Variants in CUX2 observed in about 807,000 individuals in gnomAD.
The protein encoded by CUX2 is homeobox protein cut-like 2.
In CUX2, 40 loss-of-function variants were observed where a neutral mutation model predicts 144.8. The observed-to-expected ratio is 0.28, with a 90% CI of 0.21 to 0.36. The LOEUF is 0.36. Ranked by LOEUF, CUX2 falls within the 10% of genes least tolerant of loss-of-function variation. The pLI, the probability that CUX2 is intolerant of heterozygous loss-of-function variation, is 1.00. For synonymous variants in CUX2, 827 were observed against 875.6 expected (o/e 0.94, Z 0.98); for missense variants, 1,615 against 1,994.0 (o/e 0.81, Z 3.62).
intron 1 of CUX2, among the ~76,000 whole-genome samples, chr12:111,140,487 G>A (rs922434837): frequency 1.3e-5 from 2 of 152,118 alleles, no homozygotes; most frequent in Non-Finnish European, 1.5e-5. Flanking sequence ...TTATTTTCCC[G>A]GCCATGGTGA....
chr12:111,349,105 C>T lies in CUX2; in HGVS notation c.*780C>T, dbSNP rs1888945047. Reference sequence around the variant, plus strand: ...GTCCTATATGAGATGTAGCATGGTACAGAACAAACTGCTTACACAGGTCTC... The same window carrying T: ...GTCCTATATGAGATGTAGCATGGTATAGAACAAACTGCTTACACAGGTCTC... On this transcript the variant is annotated 3_prime_UTR_variant, in exon 22 of 22. Coordinates refer to ENST00000261726, the MANE Select transcript of CUX2 (RefSeq NM_015267.4). The T allele has an allele frequency of 6.6e-6, 1 of 152,494 alleles. No individual in the cohort carries two copies. The highest frequency in any genetic ancestry group is 6.6e-5 in the Admixed American group (1 of 15,264). 9.4% of individuals were successfully genotyped at this position (152,494 alleles called of 1,614,324 possible). A position where few individuals can be genotyped will look rare whatever the true frequency, so the allele number is the denominator to read the frequency against.
At position 111,322,112 on chromosome 12, in the gene CUX2, G is replaced by A. The variant is rs1887564110; in HGVS notation, c.2767-309G>A. On this transcript the variant is annotated intron_variant, in intron 17 of 21. Transcript: ENST00000261726. The surrounding 1 kb of genome is among the most constrained non-coding windows in gnomAD (Gnocchi z 4.2). ...TTGGGTGGATCACTTGAGGTCAGGA[G>A]TTCGAAACCAGCCTGGCCAATGTGG... is the stretch of plus-strand genomic sequence containing the variant. Among the ~76,000 whole-genome samples, 1 of 151,982 alleles carries A rather than the reference G, an allele frequency of 6.6e-6. No homozygotes were observed. The highest frequency in any genetic ancestry group is 1.5e-5 in the Non-Finnish European group (1 of 68,008).
intron 1 of CUX2, among the ~76,000 whole-genome samples, chr12:111,140,539 G>A (rs941397471): frequency 1.3e-5 from 2 of 152,210 alleles, no homozygotes; most frequent in Admixed American, 1.3e-4. Context: ...CTTCGTGGCT[G>A]GGTGCATCCT....
intron 1 of CUX2, among the ~76,000 whole-genome samples, chr12:111,205,710 A>G (rs973692468): frequency 5.9e-5 from 9 of 152,176 alleles, no homozygotes; most frequent in African/African-American, 1.9e-4. Context: ...GCCCCATTTT[A>G]TAGACACAGA....
chr12:111,320,705 T>A lies in CUX2; in HGVS notation c.2696T>A (p.Leu899Gln). The A allele has an allele frequency of 6.3e-7, 1 of 1,591,684 alleles. No homozygotes were observed. Among genetic ancestry groups the A allele is most frequent in the Non-Finnish European group, 8.5e-7 (1 of 1,176,982 alleles). Reference protein sequence around the residue: ...ELYMYREVDTLELTRQVKEKL... With the variant: ...ELYMYREVDTQELTRQVKEKL... ...TACATGTACCGTGAGGTAGACACGC[T>A]GGAGCTCACCCGCCAGGTCAAGGAG... Residue 899 changes from leucine (L) to glutamine (Q), a missense_variant, in exon 17 of 22, where the codon CTG (leucine) becomes CAG (glutamine). Around this residue, in one of 12 missense-constraint regions of CUX2, gnomAD observed 390 missense variants for 387.1 expected, o/e 1.01. Transcript: ENST00000261726. The surrounding 1 kb of genome is among the most constrained non-coding windows in gnomAD (Gnocchi z 8.1).
At chr12:111,214,407 C>G (rs371212089) in intron 2 of CUX2, 97 bp downstream of exon 2, 45 of 695,870 alleles carry the variant, frequency 6.5e-5, no homozygotes, top group East Asian at 5.8e-4. Flanking sequence ...AAGTGACTAA[C>G]AAGAAAAGAA....
intron 3 of CUX2, among the ~76,000 whole-genome samples, chr12:111,222,576 G>T (rs890021445): frequency 1.1e-4 from 16 of 152,318 alleles, no homozygotes; most frequent in African/African-American, 3.6e-4. Context: ...TGACACCCAG[G>T]AGAGGTTAGA....
chr12:111,198,339 G>A (rs371064732), intron 1 of CUX2, among the ~76,000 whole-genome samples: 3 of 152,218 alleles, frequency 2.0e-5, no homozygotes, highest in South Asian at 4.1e-4. Flanking sequence ...GCCGGGTGTG[G>A]TGGTGAACAC....
chr12:111,344,949 A>G (rs1041239609), intron 21 of CUX2, among the ~76,000 whole-genome samples: 5 of 151,906 alleles, frequency 3.3e-5, no homozygotes, highest in Admixed American at 1.3e-4. Context: ...TTTTTTGTTT[A>G]GTAGAGATGG....
chr12:111,277,004 G>A lies in CUX2; in HGVS notation c.301+13165G>A, dbSNP rs1250085671. Among the ~76,000 whole-genome samples the A allele has an allele frequency of 6.6e-6, 1 of 152,200 alleles. No individual in the cohort carries two copies. Among genetic ancestry groups the A allele is most frequent in the South Asian group, 2.1e-4 (1 of 4,826 alleles). On this transcript the variant is annotated intron_variant, in intron 4 of 21. Transcript: ENST00000261726. The surrounding 1 kb of genome is among the most constrained non-coding windows in gnomAD (Gnocchi z 5.0). ...ATATGCAAAGTGCTGGCACTTGTTG[G>A]AGGTGCGGTCAAGAAATTCCAGTTC...
chr12:111,075,043 G>C (rs1354347251), intron 1 of CUX2, among the ~76,000 whole-genome samples: 1 of 152,132 alleles, frequency 6.6e-6, no homozygotes, highest in Non-Finnish European at 1.5e-5. Context: ...AGGCCTGGCC[G>C]AGTCACACCT....
intron 1 of CUX2, among the ~76,000 whole-genome samples, chr12:111,056,677 T>G (rs1870543296): frequency 1.3e-5 from 2 of 152,166 alleles, no homozygotes; most frequent in African/African-American, 4.8e-5. Flanking sequence ...TGGGCCCAGG[T>G]TCAAAGGGAG....
chr12:111,129,861 C>A (rs963949481), intron 1 of CUX2, among the ~76,000 whole-genome samples: 2 of 152,158 alleles, frequency 1.3e-5, no homozygotes, highest in Admixed American at 1.3e-4. Flanking sequence ...ATTATGCATT[C>A]CAGAACTGGG....
intron 3 of CUX2, among the ~76,000 whole-genome samples, chr12:111,244,372 C>T (rs1333061422): frequency 2.0e-5 from 3 of 152,238 alleles, no homozygotes; most frequent in Non-Finnish European, 4.4e-5. Context: ...CTTCTGGGTG[C>T]TTGTCCCGTC....
chr12:111,251,150 A>G (rs996940554), intron 3 of CUX2, among the ~76,000 whole-genome samples: 3 of 152,190 alleles, frequency 2.0e-5, no homozygotes, highest in Non-Finnish European at 4.4e-5. Context: ...CAATTTTAAC[A>G]ATAGAAAAAT....
At chr12:111,343,267 A>G (rs1434041997) in intron 21 of CUX2, among the ~76,000 whole-genome samples, 4 of 152,174 alleles carry the variant, frequency 2.6e-5, no homozygotes, top group East Asian at 1.9e-4. Context: ...GCTTCTTTCC[A>G]TAGCTCTTCC....
rs547213739 is a variant in CUX2, at chr12:111,148,370, G to A, written c.64-65830G>A. 6.2e-4 allele frequency among the ~76,000 whole-genome samples: 94 copies of A among 152,090 alleles called. 1 individual carries two copies. Among genetic ancestry groups the A allele is most frequent in the African/African-American group, 2.2e-3 (90 of 41,480 alleles). On this transcript the variant is annotated intron_variant, in intron 1 of 21. Coordinates refer to ENST00000261726, the MANE Select transcript of CUX2 (RefSeq NM_015267.4). ...AAGTAGAGTGGTGGGTGTCTGGGGC[G>A]GGTGGCGGGGAAGAATGGAGAGTTC...
chr12:111,224,177 C>T (rs996724228), intron 3 of CUX2, among the ~76,000 whole-genome samples: 12 of 152,240 alleles, frequency 7.9e-5, no homozygotes, highest in Admixed American at 3.3e-4. Flanking sequence ...ACCATTCCCC[C>T]GTCCTCCCTG....
At chr12:111,261,202 G>A (rs959317763) in intron 3 of CUX2, among the ~76,000 whole-genome samples, 1 of 152,196 alleles carries the variant, frequency 6.6e-6, no homozygotes, top group Admixed American at 6.5e-5. Context: ...GTGACCTTGG[G>A]CAAGTGGCTT....
Sources: allele counts gnomAD v4.1 joint callset (sites outside exome capture counted in the v4.1 genomes callset), GRCh38; gene constraint gnomAD v4.1.1; regional missense constraint gnomAD v4.1.1; non-coding constraint Gnocchi (gnomAD v3.1); transcripts MANE v1.5; gene names NCBI Gene and HGNC (gene_info 2026-07-23, HGNC 2026-07-21).